Variants in IGSF11 observed in about 807,000 individuals in gnomAD.
IGSF11 encodes CXADR like 1.
Under a neutral mutation model 41.0 loss-of-function variants are expected in IGSF11, and 22 were observed. That is an observed-to-expected ratio of 0.54 (90% CI 0.38 to 0.77). The LOEUF (loss-of-function observed/expected upper bound fraction) is 0.77. Among genes scored for constraint, IGSF11 ranks in the 30% least tolerant of loss-of-function variants. IGSF11 has a pLI of 0.00. For missense variants in IGSF11, 444 were observed against 530.8 expected (o/e 0.84, Z 1.61); for synonymous variants, 219 against 201.3 (o/e 1.09, Z -0.74).
chr3:119,064,490 T>C (rs1160782176), intron 1 of IGSF11, among the ~76,000 whole-genome samples: 1 of 151,076 alleles, frequency 6.6e-6, no homozygotes, highest in East Asian at 1.9e-4. Context: ...GCTTTGTTCT[T>C]CTGAGATTGC....
At chr3:118,953,079 T>C (rs767357472) in intron 1 of IGSF11, among the ~76,000 whole-genome samples, 1 of 151,860 alleles carries the variant, frequency 6.6e-6, no homozygotes, top group Non-Finnish European at 1.5e-5. Context: ...TTTCCCAAAG[T>C]CCATTGTATT....
At chr3:118,910,603 T>C (rs993829390) in intron 4 of IGSF11, among the ~76,000 whole-genome samples, 1 of 152,212 alleles carries the variant, frequency 6.6e-6, no homozygotes, top group African/African-American at 2.4e-5. Flanking sequence ...ATCTCTTGTT[T>C]ATAAATGTCA....
intron 5 of IGSF11, among the ~76,000 whole-genome samples, chr3:118,905,142 C>T (rs146269540): frequency 6.6e-6 from 1 of 152,144 alleles, no homozygotes; most frequent in East Asian, 1.9e-4. Context: ...TATCCTTCTA[C>T]CTCAACCCAG....
chr3:119,062,820 C>T (rs1175795094), intron 1 of IGSF11, among the ~76,000 whole-genome samples: 3 of 152,086 alleles, frequency 2.0e-5, no homozygotes, highest in Non-Finnish European at 2.9e-5. Flanking sequence ...CATATGCAGG[C>T]CATGATATAC....
chr3:119,046,634 A>C (rs1261589397), intron 1 of IGSF11, among the ~76,000 whole-genome samples: 1 of 152,022 alleles, frequency 6.6e-6, no homozygotes, highest in Non-Finnish European at 1.5e-5. Context: ...GATTCAGGAA[A>C]TACAGAGAAC....
At chr3:118,914,270 G>C (rs1029740353) in intron 4 of IGSF11, among the ~76,000 whole-genome samples, 1 of 152,114 alleles carries the variant, frequency 6.6e-6, no homozygotes, top group Non-Finnish European at 1.5e-5. Context: ...GGCCGAATAG[G>C]AACAGCTCCG....
Position 118,901,671 on chromosome 3 carries a change from G to A in IGSF11, c.*849C>T, listed in dbSNP as rs1003679059. On this transcript the variant is annotated 3_prime_UTR_variant, in exon 7 of 7. Transcript: ENST00000393775. ...CGGTCATGATATGATGGACCTCTAT[G>A]AGCTCACTAAATACAACCATTGAAC... 6 of 151,074 alleles carry A rather than the reference G, an allele frequency of 4.0e-5. No homozygotes were observed. Among genetic ancestry groups the A allele is most frequent in the African/African-American group, 7.3e-5 (3 of 40,990 alleles). The allele number at this position is 151,074 out of a possible 1,614,324, so 9.4% of individuals were successfully genotyped here. A position where few individuals can be genotyped will look rare whatever the true frequency, so the allele number is the denominator to read the frequency against.
intron 1 of IGSF11, among the ~76,000 whole-genome samples, chr3:118,953,169 C>T (rs1944699616): frequency 6.6e-6 from 1 of 152,136 alleles, no homozygotes. Context: ...TCCTGAGTTA[C>T]TTCACTCAGA....
intron 1 of IGSF11, among the ~76,000 whole-genome samples, chr3:119,137,382 G>C (rs1411183615): frequency 2.6e-5 from 4 of 152,042 alleles, no homozygotes; most frequent in Non-Finnish European, 4.4e-5. Flanking sequence ...ACATAGACCA[G>C]AGGAACAGAA....
intron 1 of IGSF11, among the ~76,000 whole-genome samples, chr3:118,972,671 A>G (rs1046874110): frequency 6.6e-6 from 1 of 152,232 alleles, no homozygotes; most frequent in Non-Finnish European, 1.5e-5. Context: ...GGCAGACACC[A>G]TTACTAAATT....
Position 118,925,045 on chromosome 3 carries a change from T to C in IGSF11, c.580+1056A>G, listed in dbSNP as rs138123679. Among the ~76,000 whole-genome samples the C allele has an allele frequency of 3.8e-3, 574 of 152,274 alleles. 1 individual carries two copies. The highest frequency in any genetic ancestry group is 0.01 in the Middle Eastern group (3 of 294). The stretch of plus-strand genomic sequence containing the variant: ...AAACATTTAGCAATGAACAACAGTA[T>C]TGCAGGAATCACTCTTAAAGTAATA... On this transcript the variant is annotated intron_variant, in intron 4 of 6. Transcript: ENST00000393775.
At chr3:119,032,353 T>C (rs1940484513) in intron 1 of IGSF11, among the ~76,000 whole-genome samples, 1 of 152,202 alleles carries the variant, frequency 6.6e-6, no homozygotes, top group African/African-American at 2.4e-5. Context: ...AGAATTAAAT[T>C]CGGTTAGGGC....
rs114056227 is a variant in IGSF11, at chr3:118,986,869, A to G, written c.52+47662T>C. On this transcript the variant is annotated intron_variant, in intron 1 of 6. Transcript: ENST00000393775. Reference sequence around the variant, plus strand: ...TTCTAAGTTCTCCTCCAGTCTCACAACTTCCTCTTTTCTCCACATCCCTCA... The same window carrying G: ...TTCTAAGTTCTCCTCCAGTCTCACAGCTTCCTCTTTTCTCCACATCCCTCA... 5.1e-3 allele frequency among the ~76,000 whole-genome samples: 778 copies of G among 152,334 alleles called. 6 individuals are homozygous for G. Among genetic ancestry groups the G allele is most frequent in the African/African-American group, 0.017 (718 of 41,572 alleles).
chr3:119,103,224 C>T (rs2107507974), intron 1 of IGSF11, among the ~76,000 whole-genome samples: 1 of 152,278 alleles, frequency 6.6e-6, no homozygotes, highest in South Asian at 2.1e-4. Context: ...GTCTCGATCT[C>T]CTGACCTCTT....
At chr3:118,910,791 A>C (rs941188054) in intron 4 of IGSF11, among the ~76,000 whole-genome samples, 1 of 152,218 alleles carries the variant, frequency 6.6e-6, no homozygotes, top group African/African-American at 2.4e-5. Flanking sequence ...AGATTTTGCA[A>C]GCATAGTTCC....
At chr3:118,946,251 G>GA (rs1944130671) in intron 1 of IGSF11, among the ~76,000 whole-genome samples, 1 of 147,278 alleles carries the variant, frequency 6.8e-6, no homozygotes, top group African/African-American at 2.6e-5. Flanking sequence ...TATAAATCCG[G>GA]AAAAATGAAT....
At position 119,127,292 on chromosome 3, in the gene IGSF11, A is replaced by G. The variant is rs898433099; in HGVS notation, c.-14+18521T>C. On this transcript the variant is annotated intron_variant, in intron 1 of 7. Coordinates refer to the IGSF11 transcript ENST00000425327. ...AAGAAAGGATATCAGTGTGAAGACC[A>G]CCTTACTGAAATAAGACATGCAGAC... 5.3e-5 allele frequency among the ~76,000 whole-genome samples: 8 copies of G among 151,958 alleles called. No individual in the cohort carries two copies. The East Asian group carries it at 9.7e-4, about 18-fold the overall frequency.
intron 1 of IGSF11, among the ~76,000 whole-genome samples, chr3:119,130,676 C>G (rs188083163): frequency 4.6e-5 from 7 of 152,310 alleles, no homozygotes; most frequent in Non-Finnish European, 1.0e-4. Flanking sequence ...ACTTAAACGT[C>G]CCTGTCTGAC....
intron 1 of IGSF11, among the ~76,000 whole-genome samples, 166 bp downstream of exon 1, chr3:119,034,365 C>T (rs1297876906): frequency 6.6e-6 from 1 of 152,196 alleles, no homozygotes; most frequent in African/African-American, 2.4e-5. Context: ...GCAGCCGCTG[C>T]AGGTGCGCGC....
Sources: gnomAD v4.1 joint callset for allele counts (sites outside exome capture counted in the v4.1 genomes callset) on GRCh38, gnomAD v4.1.1 for gene constraint, MANE v1.5 for transcripts, NCBI Gene and HGNC (gene_info 2026-07-23, HGNC 2026-07-21) for gene names.